Variants in PCNT observed in about 807,000 individuals in gnomAD.
PCNT encodes the protein pericentrin.
A neutral mutation model predicts 380.4 loss-of-function variants in PCNT; 319 were observed. That is an observed-to-expected ratio of 0.84 (90% confidence interval 0.77 to 0.92). The LOEUF (loss-of-function observed/expected upper bound fraction) is 0.92. Ranked by LOEUF, PCNT falls within the 40% of genes least tolerant of loss-of-function variation. The pLI, the probability that PCNT is intolerant of heterozygous loss-of-function variation, is 0.00. For missense variants in PCNT, 4,400 were observed against 4,255.3 expected, an observed-to-expected ratio of 1.03 and a Z score of -0.95; for synonymous variants, 1,845 against 1,735.2, an observed-to-expected ratio of 1.06 and a Z score of -1.57.
intron 2 of PCNT, 149 bp from the exon 3 acceptor site, chr21:46,334,247 GC>G: frequency 1.0e-6 from 1 of 988,264 alleles, no homozygotes; most frequent in East Asian, 2.4e-5. Flanking sequence ...AATTGTTAAT[GC>G]GGAAGGTGCA....
At position 46,359,488 on chromosome 21, in the gene PCNT, TTTG is replaced by T. The variant is rs1267218979; in HGVS notation, c.2154+2300_2154+2302del. ...TGTCCAAAAATACACCTGTTTTTTTTTTGTTTTTTTTTTTTTTTTGAGACAGTG... is the reference window on the plus strand; with the variant it reads ...TGTCCAAAAATACACCTGTTTTTTTTTTTTTTTTTTTTTTTTGAGACAGTG... On this transcript the variant is annotated intron_variant, in intron 13 of 46. Coordinates refer to ENST00000359568, the MANE Select transcript of PCNT (RefSeq NM_006031.6). Among the ~76,000 whole-genome samples, 67 of 82,138 alleles carry T rather than the reference TTTG, an allele frequency of 8.2e-4. 20 individuals carry two copies. The highest frequency in any genetic ancestry group is 2.1e-3 in the East Asian group (7 of 3,268). 53.9% of individuals were successfully genotyped at this position (82,138 alleles called of 152,430 possible).
Position 46,425,837 on chromosome 21 carries a change from C to T in PCNT, c.7186C>T (p.Leu2396=). 6.2e-7 allele frequency: 1 copy of T among 1,613,696 alleles called. No homozygotes were observed. The highest frequency in any genetic ancestry group is 8.5e-7 in the Non-Finnish European group (1 of 1,180,030). The change falls in exon 33 of 47, where the codon CTG becomes TTG. Residue 2396 remains leucine, a synonymous_variant. Transcript: ENST00000359568. This position sits in a 1 kb window ranked among gnomAD's most constrained non-coding sequence, Gnocchi z 4.2. ...ACGCGCTTTCCCGCCACAGGCTTTACTGCAGATGGTGCGTGACGAGAGCCA... is the reference window on the plus strand; with the variant it reads ...ACGCGCTTTCCCGCCACAGGCTTTATTGCAGATGGTGCGTGACGAGAGCCA... ...EVRPKHVKAL[L]QMVRDESHQI...
chr21:46,348,958 T>C, intron 6 of PCNT, 54 bp from the exon 7 acceptor site: 7 of 1,219,332 alleles, frequency 5.7e-6, no homozygotes, highest in Non-Finnish European at 8.5e-6. Context: ...GATTTAAATT[T>C]CTTTAGCACA....
intron 2 of PCNT, among the ~76,000 whole-genome samples, chr21:46,333,899 C>T (rs1201923189): frequency 6.7e-6 from 1 of 149,044 alleles, no homozygotes; most frequent in Non-Finnish European, 1.5e-5. Context: ...AGGGAAATTA[C>T]TTGCATTATA....
Position 46,445,543 on chromosome 21 carries a change from A to G in PCNT, c.*216A>G, listed in dbSNP as rs896658361. ...TGGAGCCTCCGTATGTTTTAGGCCCATGACCTTCGTGAGGTGACGGGCACT... is the reference window on the plus strand; with the variant it reads ...TGGAGCCTCCGTATGTTTTAGGCCCGTGACCTTCGTGAGGTGACGGGCACT... On this transcript the variant is annotated 3_prime_UTR_variant, in exon 47 of 47. Transcript: ENST00000359568. 5 of 593,118 alleles carry G rather than the reference A, an allele frequency of 8.4e-6. No individual in the cohort carries two copies. The highest frequency in any genetic ancestry group is 7.4e-5 in the African/African-American group (4 of 53,724). The allele number at this position is 593,118 out of a possible 1,614,324, so 36.7% of individuals were successfully genotyped here.
At position 46,431,602 on chromosome 21, in the gene PCNT, C is replaced by A. The variant is rs780326768; in HGVS notation, c.8138C>A (p.Thr2713Lys). ...RLCVALKHEQ[T>K]AKDNLQKELR... ...TGCGTGGCACTGAAACACGAGCAGA[C>A]GGCCAAGGACAACCTGCAGAAGGAG... The change falls in exon 38 of 47, where the codon ACG becomes AAG. Residue 2713 changes from threonine (T) to lysine (K), a missense_variant. Physicochemically the swap from Thr to Lys is moderately conservative, Grantham distance 78 (BLOSUM62 -1). Transcript: ENST00000359568. The A allele has an allele frequency of 1.2e-6, 2 of 1,614,066 alleles. No homozygotes were observed. The highest frequency in any genetic ancestry group is 1.1e-5 in the South Asian group (1 of 91,088).
At chr21:46,341,675 GTGTTT>G (rs1280075127) in intron 3 of PCNT, among the ~76,000 whole-genome samples, 1 of 151,394 alleles carries the variant, frequency 6.6e-6, no homozygotes, top group African/African-American at 2.4e-5. Flanking sequence ...CCTCCTGGAC[GTGTTT>G]TGTTTTGTTT....
At chr21:46,349,255 G>A (rs1025145806) in intron 7 of PCNT, 69 bp downstream of exon 7, 16 of 1,264,010 alleles carry the variant, frequency 1.3e-5, no homozygotes, top group Admixed American at 5.0e-5. Context: ...AAGGAATGTC[G>A]TTCATGTCAC....
At chr21:46,409,850 T>G (rs2086729358) in intron 27 of PCNT, among the ~76,000 whole-genome samples, 1 of 152,192 alleles carries the variant, frequency 6.6e-6, no homozygotes, top group Admixed American at 6.5e-5. Context: ...TGCCTCAGCC[T>G]CCCAAAGTGC....
chr21:46,421,922 AC>A, intron 31 of PCNT, 47 bp from the exon 32 acceptor site: 1 of 1,604,034 alleles, frequency 6.2e-7, no homozygotes, highest in South Asian at 1.1e-5. Context: ...CCCCTGGGGA[AC>A]CCCCTGGAGA....
intron 15 of PCNT, among the ~76,000 whole-genome samples, chr21:46,373,168 G>C (rs772791027): frequency 6.6e-6 from 1 of 151,952 alleles, no homozygotes; most frequent in East Asian, 1.9e-4. Context: ...CTACAGATGT[G>C]CACCACCATG....
At chr21:46,352,771 C>T (rs1441245925) in intron 9 of PCNT, among the ~76,000 whole-genome samples, 3 of 152,202 alleles carry the variant, frequency 2.0e-5, no homozygotes, top group Non-Finnish European at 4.4e-5. Flanking sequence ...CCTGATGAGC[C>T]TGCTTCTGGG....
chr21:46,363,369 G>C, intron 13 of PCNT, 111 bp from the exon 14 acceptor site: 1 of 791,200 alleles, frequency 1.3e-6, no homozygotes, highest in South Asian at 1.4e-5. Flanking sequence ...CAGCGTAATG[G>C]GTGTGTGTGT....
At chr21:46,429,187 C>CA (rs2087635876) in intron 35 of PCNT, among the ~76,000 whole-genome samples, 1 of 152,124 alleles carries the variant, frequency 6.6e-6, no homozygotes. Flanking sequence ...TCCCGGCGCC[C>CA]ATGCCCTTTG....
intron 15 of PCNT, among the ~76,000 whole-genome samples, chr21:46,372,162 A>ACG (rs1230448845): frequency 6.8e-6 from 1 of 146,524 alleles, no homozygotes; most frequent in Non-Finnish European, 1.5e-5. Flanking sequence ...TACAAGGCAC[A>ACG]CGCACACACA....
In PCNT at chr21:46,399,635, A is replaced by C; in HGVS notation, c.4630A>C (p.Asn1544His). 6.2e-7 allele frequency: 1 copy of C among 1,614,022 alleles called. No individual in the cohort carries two copies. Among genetic ancestry groups the C allele is most frequent in the Non-Finnish European group, 8.5e-7 (1 of 1,179,844 alleles). ...QKLREKLDEF[N>H]ELAIQKESAD... ...GTTGAGAGAAAAGTTGGATGAATTT[A>C]ATGAATTGGCTATACAGAAAGAGTC... Residue 1544 changes from asparagine to histidine, a missense_variant, in exon 25 of 47, where the codon AAT becomes CAT. Transcript: ENST00000359568.
rs10854482 is a variant in PCNT, at chr21:46,442,275, T to C, written c.9624-222T>C. On this transcript the variant is annotated intron_variant, in intron 43 of 46. Coordinates refer to ENST00000359568, the MANE Select transcript of PCNT (RefSeq NM_006031.6). The stretch of plus-strand genomic sequence containing the variant: ...CCGCAGTGAGGCTTTGTCAGGTGGT[T>C]GGGCATGGGAAGGTCGCCGCCGCCG... 0.82 allele frequency among the ~76,000 whole-genome samples: 124,035 copies of C among 151,974 alleles called. 50,902 individuals carry two copies. The highest frequency in any genetic ancestry group is 0.89 in the African/African-American group (37,002 of 41,492).
intron 20 of PCNT, 23 bp from the exon 21 acceptor site, chr21:46,391,141 G>T: frequency 6.4e-7 from 1 of 1,557,502 alleles, no homozygotes; most frequent in East Asian, 2.4e-5. Flanking sequence ...GGCTTTGTCA[G>T]AGCATCTGTG....
At chr21:46,434,816 CTG>C (rs920989770) in intron 38 of PCNT, among the ~76,000 whole-genome samples, 2 of 152,216 alleles carry the variant, frequency 1.3e-5, no homozygotes, top group African/African-American at 4.8e-5. Context: ...ATGTGCCTGT[CTG>C]TGTCTATGTT....
Sources: gnomAD v4.1 joint callset for allele counts (sites outside exome capture counted in the v4.1 genomes callset) on GRCh38, gnomAD v4.1.1 for gene constraint, Gnocchi (gnomAD v3.1) non-coding constraint, MANE v1.5 for transcripts, NCBI Gene and HGNC (gene_info 2026-07-23, HGNC 2026-07-21) for gene names.